Variants in CTNNA3 observed in about 807,000 individuals in gnomAD.
The protein encoded by CTNNA3 is catenin alpha 3.
A neutral mutation model predicts 95.7 loss-of-function variants in CTNNA3; 76 were observed. The observed-to-expected ratio is 0.79, with a 90% CI of 0.66 to 0.96. CTNNA3 has a LOEUF of 0.96. CTNNA3 is among the 40% of genes least tolerant of loss of function. The pLI is 0.00. For missense variants in CTNNA3, 1,191 were observed against 1,089.8 expected (o/e 1.09, Z -1.31); for synonymous variants, 431 against 374.4 (o/e 1.15, Z -1.74).
intron 5 of CTNNA3, among the ~76,000 whole-genome samples, chr10:67,254,590 TATC>T (rs997512856): frequency 6.6e-6 from 1 of 152,210 alleles, no homozygotes; most frequent in African/African-American, 2.4e-5. Flanking sequence ...ACTATTCTAA[TATC>T]ATCATGTACA....
chr10:67,351,312 T>G (rs919597341), intron 5 of CTNNA3, among the ~76,000 whole-genome samples: 2 of 151,920 alleles, frequency 1.3e-5, no homozygotes, highest in African/African-American at 2.4e-5. Flanking sequence ...CTACCTATTT[T>G]CCAAAACTCA....
At chr10:67,127,719 C>G (rs1475706507) in intron 7 of CTNNA3, among the ~76,000 whole-genome samples, 2 of 152,152 alleles carry the variant, frequency 1.3e-5, no homozygotes, top group East Asian at 1.9e-4. Flanking sequence ...CCTTTTCAGT[C>G]TCTCCTTAGG....
chr10:67,094,949 A>G (rs1053701520), intron 7 of CTNNA3, among the ~76,000 whole-genome samples: 3 of 151,566 alleles, frequency 2.0e-5, no homozygotes, highest in Non-Finnish European at 4.4e-5. Flanking sequence ...TATCACCAAA[A>G]TTTGCATTTT....
At chr10:66,304,192 T>A (rs2091902101) in intron 12 of CTNNA3, among the ~76,000 whole-genome samples, 1 of 152,178 alleles carries the variant, frequency 6.6e-6, no homozygotes, top group East Asian at 1.9e-4. Flanking sequence ...ATTGAAAACA[T>A]GATATCATTT....
intron 13 of CTNNA3, among the ~76,000 whole-genome samples, chr10:66,153,862 C>T (rs1401455791): frequency 1.3e-5 from 2 of 151,644 alleles, no homozygotes; most frequent in Non-Finnish European, 2.9e-5. Flanking sequence ...CACACACACA[C>T]ACACACACAC....
intron 5 of CTNNA3, among the ~76,000 whole-genome samples, chr10:67,234,669 T>G (rs1170551393): frequency 6.6e-6 from 1 of 151,592 alleles, no homozygotes; most frequent in Non-Finnish European, 1.5e-5. Flanking sequence ...CCAGGGCAAT[T>G]AGGCAGGAGA....
chr10:67,321,818 T>C (rs1841329139), intron 5 of CTNNA3, among the ~76,000 whole-genome samples: 1 of 152,198 alleles, frequency 6.6e-6, no homozygotes, highest in African/African-American at 2.4e-5. Context: ...AAAATTGAAC[T>C]GTTTCACCCT....
At chr10:66,659,847 T>A (rs1385283994) in intron 9 of CTNNA3, among the ~76,000 whole-genome samples, 1 of 152,172 alleles carries the variant, frequency 6.6e-6, no homozygotes, top group African/African-American at 2.4e-5. Context: ...AAACTTCCGC[T>A]GTTTATAAGC....
intron 5 of CTNNA3, among the ~76,000 whole-genome samples, chr10:67,493,455 G>A (rs899737559): frequency 5.9e-5 from 9 of 151,732 alleles, no homozygotes; most frequent in Non-Finnish European, 1.0e-4. Flanking sequence ...CCAGCTACTC[G>A]GGAGGCTGAG....
intron 2 of CTNNA3, among the ~76,000 whole-genome samples, chr10:67,633,971 T>G (rs1445606718): frequency 6.6e-6 from 1 of 152,146 alleles, no homozygotes; most frequent in Non-Finnish European, 1.5e-5. Context: ...ATTCAGGGAA[T>G]GCAGAGAACC....
At chr10:66,837,190 T>C (rs1195498293) in intron 7 of CTNNA3, among the ~76,000 whole-genome samples, 3 of 152,152 alleles carry the variant, frequency 2.0e-5, no homozygotes, top group African/African-American at 4.8e-5. Context: ...CCAGTATTAT[T>C]ATCGAATAAG....
intron 7 of CTNNA3, among the ~76,000 whole-genome samples, chr10:67,144,994 C>A (rs2132051091): frequency 6.6e-6 from 1 of 152,122 alleles, no homozygotes; most frequent in Admixed American, 6.5e-5. Flanking sequence ...ACTTAGAGGG[C>A]ACTGTAGGGT....
At chr10:66,082,131 A>G (rs1187335513) in intron 14 of CTNNA3, among the ~76,000 whole-genome samples, 2 of 152,060 alleles carry the variant, frequency 1.3e-5, no homozygotes, top group East Asian at 3.8e-4. Flanking sequence ...AATAAAAATA[A>G]AAATAAACAT....
chr10:67,516,464 A>G (rs1370173773), intron 5 of CTNNA3, among the ~76,000 whole-genome samples: 1 of 152,110 alleles, frequency 6.6e-6, no homozygotes. Flanking sequence ...GGATCCCTAC[A>G]TTGTTTTGTT....
intron 14 of CTNNA3, among the ~76,000 whole-genome samples, chr10:66,071,099 A>G (rs1440301547): frequency 6.6e-6 from 1 of 152,192 alleles, no homozygotes. Flanking sequence ...TTCCAAAGGA[A>G]GACTTAAGAG....
At chr10:67,023,900 A>G (rs1055348932) in intron 7 of CTNNA3, among the ~76,000 whole-genome samples, 7 of 152,210 alleles carry the variant, frequency 4.6e-5, no homozygotes, top group African/African-American at 1.7e-4. Context: ...TGTTACTATG[A>G]AATTCATGGG....
At chr10:66,654,431 C>T (rs1846008484) in intron 9 of CTNNA3, among the ~76,000 whole-genome samples, 1 of 151,988 alleles carries the variant, frequency 6.6e-6, no homozygotes, top group African/African-American at 2.4e-5. Flanking sequence ...GTTACAATGG[C>T]TATTATCAAA....
intron 5 of CTNNA3, among the ~76,000 whole-genome samples, chr10:67,251,432 T>C (rs1186706905): frequency 6.6e-6 from 1 of 152,182 alleles, no homozygotes; most frequent in Non-Finnish European, 1.5e-5. Flanking sequence ...GTAACTATAC[T>C]AAAAACTATT....
At chr10:67,243,272 C>A (rs575405131) in intron 5 of CTNNA3, among the ~76,000 whole-genome samples, 3 of 152,224 alleles carry the variant, frequency 2.0e-5, no homozygotes, top group South Asian at 2.1e-4. Context: ...TCCAACCCCC[C>A]CAACCCCCAC....
Sources: gnomAD v4.1 joint callset for allele counts (sites outside exome capture counted in the v4.1 genomes callset) on GRCh38, gnomAD v4.1.1 for gene constraint, MANE v1.5 for transcripts, NCBI Gene and HGNC (gene_info 2026-07-23, HGNC 2026-07-21) for gene names.